DNAH5: variants seen among roughly 807,000 people sequenced by gnomAD.
The protein encoded by DNAH5 is dynein axonemal heavy chain 5, also known as axonemal beta dynein heavy chain 5.
A neutral mutation model predicts 518.2 loss-of-function variants in DNAH5; 372 were observed. The ratio of observed to expected loss-of-function variants is 0.72; its 90% CI spans 0.66 to 0.78. The LOEUF (loss-of-function observed/expected upper bound fraction) is 0.78. Ranked by LOEUF, DNAH5 falls within the 30% of genes least tolerant of loss-of-function variation. The pLI is 0.00. For synonymous variants in DNAH5, 2,039 were observed against 2,025.9 expected, an observed-to-expected ratio of 1.01 and a Z score of -0.17; for missense variants, 5,523 against 5,687.0, an observed-to-expected ratio of 0.97 and a Z score of 0.93.
At chr5:13,712,195 A>G (rs1380541955) in intron 75 of DNAH5, among the ~76,000 whole-genome samples, 1 of 152,192 alleles carries the variant, frequency 6.6e-6, no homozygotes, top group Non-Finnish European at 1.5e-5. Context: ...ATTTCGACAA[A>G]GCAAACAAAA....
chr5:13,829,488 T>C, intron 38 of DNAH5, 22 bp downstream of exon 38: 1 of 1,612,544 alleles, frequency 6.2e-7, no homozygotes, highest in East Asian at 2.2e-5. Flanking sequence ...CCTAAGTGCA[T>C]AAGACCTCCA....
At chr5:13,939,721 A>T (rs10070196) in intron 1 of DNAH5, among the ~76,000 whole-genome samples, 1 of 151,902 alleles carries the variant, frequency 6.6e-6, no homozygotes, top group African/African-American at 2.4e-5. Context: ...GTACTTTTCA[A>T]GTCTTGCCTT....
intron 22 of DNAH5, among the ~76,000 whole-genome samples, chr5:13,872,394 G>A (rs140079175): frequency 9.1e-4 from 139 of 152,166 alleles, no homozygotes; most frequent in African/African-American, 3.0e-3. Flanking sequence ...TAACCAACCA[G>A]GAACATAGTG....
Position 13,902,033 on chromosome 5 carries a change from C to T in DNAH5, c.1730+20G>A, listed in dbSNP as rs1034410757. ...AACTATCCCAATTTTAGAAAATAGACAATTTCTTGAAAATTTTACCTTTCA... is the reference window on the plus strand; with the variant it reads ...AACTATCCCAATTTTAGAAAATAGATAATTTCTTGAAAATTTTACCTTTCA... On this transcript the variant is annotated intron_variant, in intron 13 of 78. Coordinates refer to ENST00000265104, the MANE Select transcript of DNAH5 (RefSeq NM_001369.3). The T allele has an allele frequency of 1.3e-6, 2 of 1,499,100 alleles. No homozygotes were observed. The highest frequency in any genetic ancestry group is 1.8e-6 in the Non-Finnish European group (2 of 1,087,612). The allele number at this position is 1,499,100 out of a possible 1,614,324, so 92.9% of individuals were successfully genotyped here.
intron 1 of DNAH5, among the ~76,000 whole-genome samples, chr5:13,972,635 C>T (rs1329359936): frequency 2.0e-5 from 3 of 152,186 alleles, no homozygotes; most frequent in Non-Finnish European, 2.9e-5. Flanking sequence ...GATGAGTGCT[C>T]GGGAGCAGAC....
intron 30 of DNAH5, among the ~76,000 whole-genome samples, chr5:13,856,428 T>C (rs1767645226): frequency 6.6e-6 from 1 of 152,042 alleles, no homozygotes; most frequent in Non-Finnish European, 1.5e-5. Flanking sequence ...CTAGAAATTC[T>C]ACCAGAGGTT....
At chr5:13,951,211 T>G (rs1369158211) in intron 1 of DNAH5, among the ~76,000 whole-genome samples, 15 of 6,996 alleles carry the variant, frequency 2.1e-3, no homozygotes, top group South Asian at 0.02. Flanking sequence ...TTTTTTCGTT[T>G]TTTTTTTTTT....
chr5:13,726,233 T>G (rs928224245), intron 70 of DNAH5, among the ~76,000 whole-genome samples: 1 of 152,216 alleles, frequency 6.6e-6, no homozygotes, highest in Admixed American at 6.5e-5. Context: ...CCAACAGGCC[T>G]TCTAAACCTT....
At chr5:13,874,889 G>A (rs1370547256) in intron 22 of DNAH5, among the ~76,000 whole-genome samples, 2 of 152,116 alleles carry the variant, frequency 1.3e-5, no homozygotes. Flanking sequence ...AGGCAGGTCA[G>A]GTTTACATTC....
Position 13,758,939 on chromosome 5 carries a change from C to A in DNAH5, c.10326G>T (p.Gln3442His). ...ACTCGGCCTGGGCTTTCTGCAGATC[C>A]TGCATGGCCAGGAGATGGCGATTCT... The part of the protein sequence containing the change: ...VQENRHLLAM[Q>H]DLQKAQAELD... The change falls in exon 61 of 79, where the codon CAG becomes CAT. Residue 3442 changes from glutamine (Q) to histidine (H), a missense_variant. Gln to His is a conservative substitution (Grantham distance 24). This residue lies in a region of DNAH5 where 5,121 missense variants were observed against 5,223.3 expected (regional missense o/e 0.98). Transcript: ENST00000265104. The A allele has an allele frequency of 1.2e-6, 2 of 1,614,178 alleles. No individual in the cohort carries two copies. The highest frequency in any genetic ancestry group is 2.7e-5 in the African/African-American group (2 of 75,058).
chr5:13,925,210 A>C (rs981095275), intron 3 of DNAH5, among the ~76,000 whole-genome samples: 51 of 152,308 alleles, frequency 3.3e-4, no homozygotes, highest in African/African-American at 1.2e-3. Context: ...ATGAGTAATA[A>C]GATGTTAGGC....
chr5:13,733,143 T>C (rs1015029959), intron 68 of DNAH5, among the ~76,000 whole-genome samples: 3 of 152,204 alleles, frequency 2.0e-5, no homozygotes, highest in Admixed American at 1.3e-4. Flanking sequence ...AAATTCTCAA[T>C]AATCCTACTA....
Position 13,867,888 on chromosome 5 carries a change from A to G in DNAH5, c.3939T>C (p.Ala1313=), listed in dbSNP as rs1769511468. ...AGACTAATTTATTCTGGACTTCGCC[A>G]GCACGTGCCAGCAGCTTCTCCCAAG... is the stretch of plus-strand genomic sequence containing the variant. ...HYAWEKLLAR[A]GEVQNKLVSL... Residue 1313 remains alanine (A), a synonymous_variant, in exon 25 of 79, where the codon GCT becomes GCC. Coordinates refer to ENST00000265104, the MANE Select transcript of DNAH5 (RefSeq NM_001369.3). The G allele has an allele frequency of 6.2e-7, 1 of 1,614,008 alleles. No homozygotes were observed. Among genetic ancestry groups the G allele is most frequent in the African/African-American group, 1.3e-5 (1 of 74,938 alleles).
chr5:13,968,907 A>C (rs948431992), intron 1 of DNAH5, among the ~76,000 whole-genome samples: 10 of 152,154 alleles, frequency 6.6e-5, no homozygotes, highest in African/African-American at 2.4e-4. Flanking sequence ...TCTTCTTTGA[A>C]TGTCTGATAG....
At chr5:13,760,454 G>C (rs927710065) in intron 60 of DNAH5, among the ~76,000 whole-genome samples, 1 of 152,072 alleles carries the variant, frequency 6.6e-6, no homozygotes, top group Admixed American at 6.5e-5. Context: ...CATAACATGA[G>C]TTCAATAAAT....
intron 1 of DNAH5, among the ~76,000 whole-genome samples, chr5:13,936,615 G>C (rs891932924): frequency 6.6e-6 from 1 of 152,224 alleles, no homozygotes; most frequent in African/African-American, 2.4e-5. Flanking sequence ...AAAGAGGTTT[G>C]TGAGGGTTAA....
rs554177029 is a variant in DNAH5 at position 13,989,248 on chromosome 5, A to C, written c.12+22400T>G. On this transcript the variant is annotated intron_variant, in intron 1 of 78. Transcript: ENST00000681290. The stretch of plus-strand genomic sequence containing the variant: ...CATGTGAGGAAATATTCTACAAGAA[A>C]AAGTGCAGCTTCACAATAAGAAATC... 3.4e-4 allele frequency among the ~76,000 whole-genome samples: 52 copies of C among 152,322 alleles called. 1 individual carries two copies. The highest frequency in any genetic ancestry group is 3.4e-3 in the Middle Eastern group (1 of 294).
At chr5:13,819,781 A>G (rs968273121) in intron 41 of DNAH5, among the ~76,000 whole-genome samples, 4 of 152,204 alleles carry the variant, frequency 2.6e-5, no homozygotes, top group Admixed American at 6.5e-5. Context: ...AAATGCATTT[A>G]TTTAACTTCA....
Position 13,885,855 on chromosome 5 carries a change from G to A in DNAH5, c.2743+109C>T, listed in dbSNP as rs549547153. Reference sequence around the variant, plus strand: ...GATTTATACATATCATTAGAAAATCGAGAGGATGTTTATAGAAGTATGAAA... The same window carrying A: ...GATTTATACATATCATTAGAAAATCAAGAGGATGTTTATAGAAGTATGAAA... On this transcript the variant is annotated intron_variant, in intron 18 of 78. Transcript: ENST00000265104. 2.8e-4 allele frequency: 288 copies of A among 1,021,152 alleles called. 2 individuals are homozygous for A. The South Asian group carries it at 3.3e-3, about 12-fold the overall frequency. The allele number at this position is 1,021,152 out of a possible 1,614,324, so 63.3% of individuals were successfully genotyped here.
Sources: allele counts gnomAD v4.1 joint callset (sites outside exome capture counted in the v4.1 genomes callset), GRCh38; gene constraint gnomAD v4.1.1; regional missense constraint gnomAD v4.1.1; transcripts MANE v1.5; gene names NCBI Gene and HGNC (gene_info 2026-07-23, HGNC 2026-07-21).